CUL5: variants seen among roughly 807,000 people sequenced by gnomAD.
CUL5 encodes the protein cullin 5.
A neutral mutation model predicts 108.8 loss-of-function variants in CUL5; 26 were observed. That is an observed-to-expected ratio of 0.24 (90% CI 0.18 to 0.33). CUL5 has a LOEUF of 0.33. Ranked by LOEUF, CUL5 falls within the 10% of genes least tolerant of loss-of-function variation. CUL5 has a pLI of 1.00. For missense variants in CUL5, 524 were observed against 909.2 expected, an observed-to-expected ratio of 0.58 and a Z score of 5.45; for synonymous variants, 334 against 298.0, an observed-to-expected ratio of 1.12 and a Z score of -1.25.
At position 108,107,422 on chromosome 11, in the gene CUL5, G is replaced by T. The variant is rs73000548; in HGVS notation, c.*3038G>T. On this transcript the variant is annotated 3_prime_UTR_variant, in exon 19 of 19. Transcript: ENST00000393094. ...ATCTTAAACTCAAGCTGGTTTTTCTGTTCTCATGTAAGTGACTGGGATGCT... is the reference window on the plus strand; with the variant it reads ...ATCTTAAACTCAAGCTGGTTTTTCTTTTCTCATGTAAGTGACTGGGATGCT... The T allele has an allele frequency of 0.036, 5,479 of 152,638 alleles. 167 individuals are homozygous for T. The highest frequency in any genetic ancestry group is 0.048 in the Non-Finnish European group (3,246 of 67,984). 9.5% of individuals were successfully genotyped at this position (152,638 alleles called of 1,614,324 possible).
chr11:108,009,384 A>G lies in CUL5; in HGVS notation c.24+12A>G. On this transcript the variant is annotated intron_variant, in intron 1 of 18. Coordinates refer to ENST00000393094, the MANE Select transcript of CUL5 (RefSeq NM_003478.6). Reference sequence around the variant, plus strand: ...CTAATCTGTTAAAGGTAAGACCCTCACTCCAGCTTGGGTTTTACTGTGTGG... The same window carrying G: ...CTAATCTGTTAAAGGTAAGACCCTCGCTCCAGCTTGGGTTTTACTGTGTGG... 2 of 1,612,920 alleles carry G rather than the reference A, an allele frequency of 1.2e-6. No individual in the cohort carries two copies. The highest frequency in any genetic ancestry group is 1.7e-6 in the Non-Finnish European group (2 of 1,179,500).
chr11:108,032,672 GTATGAT>G (rs1252706611), intron 1 of CUL5, among the ~76,000 whole-genome samples: 2 of 152,036 alleles, frequency 1.3e-5, no homozygotes, highest in African/African-American at 2.4e-5. Flanking sequence ...GAGATAAACT[GTATGAT>G]TATGAGGTCT....
intron 1 of CUL5, 128 bp downstream of exon 1, chr11:108,009,500 G>A: frequency 4.1e-6 from 4 of 984,092 alleles, no homozygotes; most frequent in Non-Finnish European, 6.2e-6. Flanking sequence ...CAGGGAAGCC[G>A]CGGTGGCAGC....
At chr11:108,072,569 C>A (rs1716673148) in intron 9 of CUL5, 107 bp downstream of exon 9, 1 of 908,582 alleles carries the variant, frequency 1.1e-6, no homozygotes, top group Non-Finnish European at 1.6e-6. Context: ...GTTGGGGGAG[C>A]AGAAGAGGTT....
At chr11:108,070,683 TAACA>T (rs969814734) in intron 8 of CUL5, among the ~76,000 whole-genome samples, 2 of 152,000 alleles carry the variant, frequency 1.3e-5, no homozygotes, top group Admixed American at 6.6e-5. Flanking sequence ...AGCAAGTATA[TAACA>T]AACTAAAAAA....
At chr11:108,057,205 A>G (rs1299573121) in intron 7 of CUL5, among the ~76,000 whole-genome samples, 1 of 152,060 alleles carries the variant, frequency 6.6e-6, no homozygotes, top group South Asian at 2.1e-4. Flanking sequence ...CTAATTTTTT[A>G]TTTTTTGAGA....
At chr11:108,050,171 A>G (rs1863175885) in intron 4 of CUL5, 105 bp downstream of exon 4, 1 of 849,454 alleles carries the variant, frequency 1.2e-6, no homozygotes, top group Non-Finnish European at 1.8e-6. Context: ...TCTACTTCAC[A>G]TGTCAATTGC....
In CUL5 at chr11:108,009,134, G is replaced by C; in HGVS notation, c.-215G>C. On this transcript the variant is annotated 5_prime_UTR_variant, in exon 1 of 19. Coordinates refer to ENST00000393094, the MANE Select transcript of CUL5 (RefSeq NM_003478.6). ...GCGCGTGCATGAGGTCTTTCGCGTGGGGAAGCTCCGGTGACCATGTAGGGG... is the reference window on the plus strand; with the variant it reads ...GCGCGTGCATGAGGTCTTTCGCGTGCGGAAGCTCCGGTGACCATGTAGGGG... 1.7e-6 allele frequency: 1 copy of C among 594,944 alleles called. No homozygotes were observed. Among genetic ancestry groups the C allele is most frequent in the Non-Finnish European group, 3.0e-6 (1 of 328,470 alleles). 36.9% of individuals were successfully genotyped at this position (594,944 alleles called of 1,614,324 possible).
At chr11:108,047,258 C>T (rs1048030221) in intron 3 of CUL5, among the ~76,000 whole-genome samples, 6 of 151,908 alleles carry the variant, frequency 3.9e-5, no homozygotes, top group African/African-American at 1.5e-4. Flanking sequence ...TTGAGGCTGC[C>T]GTGAGCCGTG....
At chr11:108,099,330 A>C (rs1239853016) in intron 18 of CUL5, among the ~76,000 whole-genome samples, 1 of 152,180 alleles carries the variant, frequency 6.6e-6, no homozygotes, top group Admixed American at 6.5e-5. Context: ...AATATAAAAC[A>C]AGACGAAAAG....
chr11:108,014,009 C>T (rs763558318), intron 1 of CUL5, among the ~76,000 whole-genome samples: 50 of 152,184 alleles, frequency 3.3e-4, no homozygotes, highest in Admixed American at 6.5e-4. Context: ...TGTCCATGCT[C>T]TTTGGGAATT....
At chr11:108,064,932 C>T (rs1053673558) in intron 7 of CUL5, among the ~76,000 whole-genome samples, 8 of 151,960 alleles carry the variant, frequency 5.3e-5, no homozygotes, top group African/African-American at 1.7e-4. Flanking sequence ...ATTAGTTCTA[C>T]TTGAAATATT....
intron 11 of CUL5, among the ~76,000 whole-genome samples, chr11:108,084,081 C>T (rs1864167231): frequency 6.6e-6 from 1 of 152,076 alleles, no homozygotes; most frequent in Non-Finnish European, 1.5e-5. Flanking sequence ...CCAGGGAAGC[C>T]AAAAGATTGG....
In CUL5 at chr11:108,107,124, A is replaced by G. The variant is rs1273552836; in HGVS notation, c.*2740A>G. The G allele has an allele frequency of 6.6e-6, 1 of 151,828 alleles. No individual in the cohort carries two copies. The highest frequency in any genetic ancestry group is 1.5e-5 in the Non-Finnish European group (1 of 67,954). 9.4% of individuals were successfully genotyped at this position (151,828 alleles called of 1,614,324 possible). Reference sequence around the variant, plus strand: ...TTGAAATAAATTCTGAAGTCTTCCAATTTTTACATTTATTGGAGGGGTCCC... The same window carrying G: ...TTGAAATAAATTCTGAAGTCTTCCAGTTTTTACATTTATTGGAGGGGTCCC... On this transcript the variant is annotated 3_prime_UTR_variant, in exon 19 of 19. Coordinates refer to ENST00000393094, the MANE Select transcript of CUL5 (RefSeq NM_003478.6).
intron 7 of CUL5, among the ~76,000 whole-genome samples, chr11:108,061,940 T>C (rs1863546532): frequency 6.6e-6 from 1 of 152,086 alleles, no homozygotes; most frequent in Admixed American, 6.5e-5. Context: ...ACTGCCACTT[T>C]TAAAACCATC....
At chr11:108,088,807 C>CG in intron 12 of CUL5, 148 bp downstream of exon 12, 1 of 537,868 alleles carries the variant, frequency 1.9e-6, no homozygotes, top group Non-Finnish European at 3.0e-6. Context: ...CAAGACCTCT[C>CG]GGGGGGTTAT....
At position 108,088,560 on chromosome 11, in the gene CUL5, C is replaced by T. The variant is rs367765329; in HGVS notation, c.1212C>T (p.Cys404=). ...TAAAAACTCAGCCTGAATCAAAATG[C>T]CCTGAGCTGCTTGCCAATTACTGTG... is the stretch of plus-strand genomic sequence containing the variant. ...VGLKTQPESK[C]PELLANYCDM... Residue 404 remains cysteine, a synonymous_variant, in exon 12 of 19, where the codon TGC becomes TGT. Transcript: ENST00000393094. 4.7e-5 allele frequency: 75 copies of T among 1,610,890 alleles called. 2 individuals carry two copies. The East Asian group carries it at 9.6e-4, about 21-fold the overall frequency.
intron 1 of CUL5, among the ~76,000 whole-genome samples, chr11:108,027,460 CAG>C (rs1467079772): frequency 2.0e-5 from 3 of 152,060 alleles, no homozygotes; most frequent in African/African-American, 7.2e-5. Context: ...TCAGTAGAGA[CAG>C]GGTTTCACCA....
intron 1 of CUL5, among the ~76,000 whole-genome samples, chr11:108,024,502 A>G (rs1862408588): frequency 1.3e-5 from 2 of 152,232 alleles, no homozygotes; most frequent in African/African-American, 4.8e-5. Flanking sequence ...CATACTTGTA[A>G]AGTGTTTGGA....
Sources: gnomAD v4.1 joint callset for allele counts (sites outside exome capture counted in the v4.1 genomes callset) on GRCh38, gnomAD v4.1.1 for gene constraint, MANE v1.5 for transcripts, NCBI Gene and HGNC (gene_info 2026-07-23, HGNC 2026-07-21) for gene names.